The following METTL15 variants were observed in gnomAD, a reference collection of about 807,000 sequenced individuals.
The protein encoded by METTL15 is 12S rRNA N(4)-cytidine methyltransferase METTL15.
METTL15 carries 34 observed loss-of-function variants against 38.3 expected under a neutral mutation model. The observed-to-expected ratio is 0.89, with a 90% confidence interval of 0.68 to 1.18. METTL15 has a LOEUF of 1.18. METTL15 is among the 50% of genes most tolerant of loss of function. The pLI, the probability that METTL15 is intolerant of heterozygous loss-of-function variation, is 0.00. For missense variants in METTL15, 438 were observed against 498.4 expected, an observed-to-expected ratio of 0.88 and a Z score of 1.15; for synonymous variants, 162 against 170.9, an observed-to-expected ratio of 0.95 and a Z score of 0.41.
At chr11:28,238,708 TG>T (rs901040669) in intron 4 of METTL15, among the ~76,000 whole-genome samples, 1 of 152,192 alleles carries the variant, frequency 6.6e-6, no homozygotes, top group African/African-American at 2.4e-5. Context: ...TCGCTCACGC[TG>T]GGAGCTATAG....
chr11:28,286,167 G>T lies in METTL15; in HGVS notation c.408-4039G>T, dbSNP rs183916393. Among the ~76,000 whole-genome samples the T allele has an allele frequency of 4.6e-5, 7 of 152,304 alleles. No individual in the cohort carries two copies. In the East Asian group the frequency reaches 1.4e-3, roughly 29 times the overall value. On this transcript the variant is annotated intron_variant, in intron 4 of 6. Transcript: ENST00000407364. ...CCAGCAGGCTGGAAACTATCTGGTA[G>T]AAGCTGATGTCGTGGTCTTGAGGCA...
intron 6 of METTL15, chr11:28,328,243 C>T (rs1197136640): frequency 7.4e-7 from 1 of 1,351,500 alleles, no homozygotes; most frequent in Non-Finnish European, 1.0e-6. Flanking sequence ...AAGATAAATC[C>T]CCTAGTGTCT....
chr11:28,400,559 T>C (rs1850621143), intron 5 of METTL15, among the ~76,000 whole-genome samples: 1 of 151,956 alleles, frequency 6.6e-6, no homozygotes, highest in African/African-American at 2.4e-5. Flanking sequence ...CTTGAATTTG[T>C]CAGTGGAGTC....
At chr11:28,404,211 A>T (rs914320872) in intron 5 of METTL15, among the ~76,000 whole-genome samples, 3 of 152,134 alleles carry the variant, frequency 2.0e-5, no homozygotes, top group African/African-American at 7.2e-5. Flanking sequence ...ATGTGCCCAT[A>T]TAAAAAGAAA....
At chr11:28,201,027 A>C (rs943848641) in intron 3 of METTL15, among the ~76,000 whole-genome samples, 2 of 152,064 alleles carry the variant, frequency 1.3e-5, no homozygotes, top group Non-Finnish European at 2.9e-5. Context: ...TGCCCATTCA[A>C]TATGATGTTG....
chr11:28,214,283 C>T (rs1250802667), intron 4 of METTL15, among the ~76,000 whole-genome samples: 6 of 152,154 alleles, frequency 3.9e-5, no homozygotes, highest in Non-Finnish European at 7.3e-5. Context: ...ATCATCCCAC[C>T]TCAGCCTCCC....
intron 6 of METTL15, among the ~76,000 whole-genome samples, chr11:28,459,820 T>C (rs12284879): frequency 0.018 from 2,672 of 152,236 alleles, 52 homozygotes; most frequent in African/African-American, 0.051. Flanking sequence ...TCCCTTGTCA[T>C]TTATTGTTGG....
intron 6 of METTL15, among the ~76,000 whole-genome samples, chr11:28,308,892 G>GTAGATGGATAGATAGATAGA (rs1555031567): frequency 6.8e-6 from 1 of 146,896 alleles, no homozygotes; most frequent in African/African-American, 2.5e-5. Context: ...AGGTAGGTAG[G>GTAGATGGATAGATAGATAGA]TAGATAGATA....
At chr11:28,294,417 C>T (rs574989334) in intron 5 of METTL15, among the ~76,000 whole-genome samples, 1 of 152,276 alleles carries the variant, frequency 6.6e-6, no homozygotes, top group South Asian at 2.1e-4. Context: ...CAAGAGACTT[C>T]CTTAACCAGT....
At chr11:28,297,700 C>T (rs1856789036) in intron 6 of METTL15, among the ~76,000 whole-genome samples, 1 of 152,008 alleles carries the variant, frequency 6.6e-6, no homozygotes, top group Admixed American at 6.6e-5. Flanking sequence ...TAACAGAATT[C>T]CAATGGTAAA....
At chr11:28,147,272 G>A (rs944048553) in intron 3 of METTL15, among the ~76,000 whole-genome samples, 1 of 151,826 alleles carries the variant, frequency 6.6e-6, no homozygotes, top group Non-Finnish European at 1.5e-5. Flanking sequence ...ATCTACAACA[G>A]CATTTTAGTG....
At chr11:28,122,936 A>G (rs1050484748) in intron 3 of METTL15, among the ~76,000 whole-genome samples, 1 of 152,070 alleles carries the variant, frequency 6.6e-6, no homozygotes, top group Non-Finnish European at 1.5e-5. Flanking sequence ...CAAGCTTCCA[A>G]GGTAATTAGA....
At chr11:28,311,939 TAG>T (rs1264506435) in intron 6 of METTL15, among the ~76,000 whole-genome samples, 2 of 152,326 alleles carry the variant, frequency 1.3e-5, no homozygotes, top group East Asian at 3.9e-4. Context: ...TGTCAGCAGG[TAG>T]AGATATCAGT....
rs374902494 is a variant in METTL15, at chr11:28,435,436, A to G, written c.*424+11072A>G. ...TGGGCAGATGCTTTCCATTTACCCTACTCTGGAGATGGGAAATGTTCTTTG... is the reference window on the plus strand; with the variant it reads ...TGGGCAGATGCTTTCCATTTACCCTGCTCTGGAGATGGGAAATGTTCTTTG... On this transcript the variant is annotated intron_variant and NMD_transcript_variant, in intron 6 of 7. Coordinates refer to the METTL15 transcript ENST00000532947. Among the ~76,000 whole-genome samples the G allele has an allele frequency of 1.6e-4, 24 of 152,200 alleles. No homozygotes were observed. The East Asian group carries it at 4.1e-3, about 26-fold the overall frequency.
chr11:28,500,005 G>C (rs1851568902), intron 6 of METTL15, among the ~76,000 whole-genome samples: 1 of 120,212 alleles, frequency 8.3e-6, no homozygotes, highest in African/African-American at 3.0e-5. Context: ...GGTTGGAATT[G>C]CTATTTTTTT....
chr11:28,513,637 C>T (rs1851694942), intron 6 of METTL15, among the ~76,000 whole-genome samples: 1 of 152,088 alleles, frequency 6.6e-6, no homozygotes, highest in Admixed American at 6.5e-5. Flanking sequence ...AGAGATTTAC[C>T]CACCTATTTA....
intron 4 of METTL15, among the ~76,000 whole-genome samples, chr11:28,217,672 T>C (rs1038928366): frequency 5.3e-5 from 8 of 152,224 alleles, no homozygotes; most frequent in African/African-American, 1.4e-4. Context: ...GGTTTTCTTC[T>C]AGGGTTTTTA....
At chr11:28,329,324 G>A (rs75961546) in intron 6 of METTL15, among the ~76,000 whole-genome samples, 1,631 of 152,176 alleles carry the variant, frequency 0.011, 14 homozygotes, top group Non-Finnish European at 0.016. Context: ...CTGTTGCTAT[G>A]CCAGTACCAC....
chr11:28,156,287 C>T (rs1850261014), intron 3 of METTL15, among the ~76,000 whole-genome samples: 1 of 152,104 alleles, frequency 6.6e-6, no homozygotes, highest in Admixed American at 6.6e-5. Flanking sequence ...AAGTCATATA[C>T]AATTTGAGAC....
Sources: allele counts gnomAD v4.1 joint callset (sites outside exome capture counted in the v4.1 genomes callset), GRCh38; gene constraint gnomAD v4.1.1; transcripts MANE v1.5; gene names NCBI Gene and HGNC (gene_info 2026-07-23, HGNC 2026-07-21).